Variants in PBRM1 observed in about 807,000 individuals in gnomAD.
PBRM1 encodes the protein polybromo 1, also known as protein polybromo-1.
Under a neutral mutation model 194.5 loss-of-function variants are expected in PBRM1, and 27 were observed. The ratio of observed to expected loss-of-function variants is 0.14; its 90% CI spans 0.10 to 0.19. PBRM1 has a LOEUF of 0.19. Among genes scored for constraint, PBRM1 ranks in the 10% least tolerant of loss-of-function variants. The probability of loss-of-function intolerance (pLI) is 1.00; values close to 1 mark genes in which losing one functional copy is unlikely to be tolerated. For missense variants in PBRM1, 1,466 were observed against 2,077.2 expected (o/e 0.71, Z 5.72); for synonymous variants, 655 against 693.2 (o/e 0.94, Z 0.87).
chr3:52,653,530 A>G (rs1485404640), intron 5 of PBRM1, among the ~76,000 whole-genome samples: 1 of 151,176 alleles, frequency 6.6e-6, no homozygotes, highest in Non-Finnish European at 1.5e-5. Flanking sequence ...TGGAGGTTGC[A>G]GTGAGCTGAG....
rs61349809 is a variant in PBRM1 at position 52,562,537 on chromosome 3, CTTTTTTTTTT to C, written c.4087-579_4087-570del. Among the ~76,000 whole-genome samples, 4 of 108,198 alleles carry C rather than the reference CTTTTTTTTTT, an allele frequency of 3.7e-5. No homozygotes were observed. The Middle Eastern group carries it at 0.014, about 379-fold the overall frequency. 71.0% of individuals were successfully genotyped at this position (108,198 alleles called of 152,430 possible). A position where few individuals can be genotyped will look rare whatever the true frequency, so the allele number is the denominator to read the frequency against. ...CTCACAATTAAGTCTTGAGAAAATT[CTTTTTTTTTT>C]TTTTTTTTTTTAAATGATACAGGGT... is the stretch of plus-strand genomic sequence containing the variant. On this transcript the variant is annotated intron_variant, in intron 24 of 29. Coordinates refer to ENST00000296302, the Ensembl canonical transcript of PBRM1.
exon 30 of PBRM1, chr3:52,548,025 T>A (rs780357089): frequency 6.4e-7 from 1 of 1,554,184 alleles, no homozygotes; most frequent in Non-Finnish European, 8.8e-7. Flanking sequence ...GATCCACAAC[T>A]CTTTATGCTT....
rs1409445701 is a variant in PBRM1, at chr3:52,571,968, T to G, written c.3691+4573A>C. 3.3e-5 allele frequency among the ~76,000 whole-genome samples: 5 copies of G among 151,252 alleles called. No individual in the cohort carries two copies. In the East Asian group the frequency reaches 5.8e-4, roughly 18 times the overall value. On this transcript the variant is annotated intron_variant, in intron 22 of 29. Coordinates refer to ENST00000296302, the Ensembl canonical transcript of PBRM1. ...TGGGAGGATTGCTTGCGCCCAGGAG[T>G]TGGAGGCTGCAGTGAGTTATGATTG...
intron 20 of PBRM1, among the ~76,000 whole-genome samples, chr3:52,583,475 C>T (rs1024203678): frequency 5.9e-5 from 9 of 151,558 alleles, no homozygotes; most frequent in Non-Finnish European, 1.0e-4. Flanking sequence ...TACCAGGCTA[C>T]ACATATTATC....
intron 10 of PBRM1, among the ~76,000 whole-genome samples, chr3:52,641,315 C>T (rs763443397): frequency 2.6e-5 from 4 of 151,496 alleles, no homozygotes; most frequent in East Asian, 3.9e-4. Context: ...GGTGTGGTGG[C>T]GCGTGTCTGT....
At chr3:52,666,182 G>A (rs1308228696) in intron 3 of PBRM1, among the ~76,000 whole-genome samples, 2 of 152,204 alleles carry the variant, frequency 1.3e-5, no homozygotes, top group Admixed American at 6.5e-5. Context: ...CTGGTAGGCT[G>A]AGGTGGGATG....
At chr3:52,555,200 C>A (rs2153433354) in intron 26 of PBRM1, among the ~76,000 whole-genome samples, 1 of 152,264 alleles carries the variant, frequency 6.6e-6, no homozygotes, top group African/African-American at 2.4e-5. Flanking sequence ...ATAATTATTG[C>A]AAGCTGTTCA....
At chr3:52,574,199 T>C (rs2088543784) in intron 22 of PBRM1, among the ~76,000 whole-genome samples, 1 of 152,236 alleles carries the variant, frequency 6.6e-6, no homozygotes, top group Admixed American at 6.5e-5. Flanking sequence ...GGCAAGGGCT[T>C]TCTTGCTATG....
chr3:52,597,215 C>T (rs897701897), intron 17 of PBRM1, among the ~76,000 whole-genome samples: 2 of 152,200 alleles, frequency 1.3e-5, no homozygotes, highest in South Asian at 2.1e-4. Context: ...GTTTTCTACC[C>T]TCTTTCAGAG....
At chr3:52,657,023 C>T (rs1560853452) in intron 5 of PBRM1, among the ~76,000 whole-genome samples, 1 of 152,200 alleles carries the variant, frequency 6.6e-6, no homozygotes, top group African/African-American at 2.4e-5. Context: ...GAATCCTGAA[C>T]ATATGCTAAG....
chr3:52,634,527 A>G, intron 11 of PBRM1, 75 bp downstream of exon 12: 2 of 937,968 alleles, frequency 2.1e-6, no homozygotes, highest in East Asian at 5.1e-5. Flanking sequence ...TATCCATTTT[A>G]GGAAGAAATA....
chr3:52,576,438 G>A (rs1272780511), intron 22 of PBRM1, 103 bp downstream of exon 24: 3 of 705,668 alleles, frequency 4.3e-6, no homozygotes, highest in African/African-American at 3.7e-5. Flanking sequence ...TTGGATTTGG[G>A]CACTGCTCTA....
intron 3 of PBRM1, among the ~76,000 whole-genome samples, chr3:52,662,486 T>A (rs1177619665): frequency 6.6e-6 from 1 of 152,150 alleles, no homozygotes; most frequent in Non-Finnish European, 1.5e-5. Context: ...TTAGGTCTTA[T>A]CTCATTAAAG....
chr3:52,667,035 G>A (rs567356510), intron 3 of PBRM1, among the ~76,000 whole-genome samples: 6 of 152,220 alleles, frequency 3.9e-5, no homozygotes, highest in East Asian at 1.9e-4. Context: ...CAACGATTGC[G>A]AACAAACGCA....
chr3:52,549,468 C>T (rs1258276312), intron 29 of PBRM1, among the ~76,000 whole-genome samples: 1 of 151,988 alleles, frequency 6.6e-6, no homozygotes, highest in African/African-American at 2.4e-5. Context: ...TTTAATTTAC[C>T]CAATGCATCT....
chr3:52,554,973 A>G (rs1559829598), intron 26 of PBRM1, 94 bp from the exon 29 acceptor site: 3 of 954,326 alleles, frequency 3.1e-6, no homozygotes. Context: ...ACCAATGAAT[A>G]AAGCACCCTT....
At chr3:52,649,101 T>C (rs2096413218) in intron 6 of PBRM1, among the ~76,000 whole-genome samples, 1 of 151,766 alleles carries the variant, frequency 6.6e-6, no homozygotes, top group Non-Finnish European at 1.5e-5. Context: ...AAATGGAAGG[T>C]GGAGAAGGGT....
intron 5 of PBRM1, among the ~76,000 whole-genome samples, chr3:52,657,204 G>C (rs1269195846): frequency 6.6e-6 from 1 of 152,156 alleles, no homozygotes; most frequent in Non-Finnish European, 1.5e-5. Flanking sequence ...AGACTAAAAA[G>C]TTCCAGATAG....
chr3:52,588,803 G>A (rs780410465), intron 18 of PBRM1, among the ~76,000 whole-genome samples: 9 of 151,928 alleles, frequency 5.9e-5, no homozygotes, highest in Non-Finnish European at 1.3e-4. Flanking sequence ...TGATCTGCCC[G>A]CCTCAGCCTC....
Sources: gnomAD v4.1 joint callset for allele counts (sites outside exome capture counted in the v4.1 genomes callset) on GRCh38, gnomAD v4.1.1 for gene constraint, MANE v1.5 for transcripts, NCBI Gene and HGNC (gene_info 2026-07-23, HGNC 2026-07-21) for gene names.